Variants in NHSL2 observed in about 807,000 individuals in gnomAD.
NHSL2 encodes NHS like 2.
NHSL2 carries 27 observed loss-of-function variants against 53.4 expected under a neutral mutation model. That is an observed-to-expected ratio of 0.51 (90% CI 0.37 to 0.70). The LOEUF (loss-of-function observed/expected upper bound fraction) is 0.70, where lower values mean the gene tolerates loss of function less well. Among genes scored for constraint, NHSL2 ranks in the 30% least tolerant of loss-of-function variants. NHSL2 has a pLI of 0.00. For missense variants in NHSL2, 892 were observed against 980.1 expected (o/e 0.91, Z 1.20); for synonymous variants, 408 against 404.1 (o/e 1.01, Z -0.12).
chrX:72,110,325 C>T, intron 1 of NHSL2, among the ~76,000 whole-genome samples: 1 of 111,117 alleles, frequency 9.0e-6, no homozygotes, highest in Non-Finnish European at 1.9e-5. Flanking sequence ...TAGAAGACAG[C>T]CTCTGAGAAT....
At chrX:72,103,342 T>C (rs1925745140) in intron 1 of NHSL2, among the ~76,000 whole-genome samples, 1 of 111,640 alleles carries the variant, frequency 9.0e-6, no homozygotes, top group Non-Finnish European at 1.9e-5. Flanking sequence ...TGCCCACAGA[T>C]TTGCTCTGCC....
chrX:71,919,122 C>T (rs770927495), intron 1 of NHSL2, among the ~76,000 whole-genome samples: 34 of 112,031 alleles, frequency 3.0e-4, no homozygotes, highest in African/African-American at 9.7e-4. Flanking sequence ...TTCCTTCTAC[C>T]ATTCTGTATT....
intron 1 of NHSL2, among the ~76,000 whole-genome samples, chrX:72,101,521 G>C (rs1324281286): frequency 1.8e-5 from 2 of 110,500 alleles, no homozygotes; most frequent in East Asian, 2.9e-4. Context: ...AAACAAAGGT[G>C]GCGGTCGCAT....
At chrX:71,989,352 A>AAG (rs1162531689) in intron 1 of NHSL2, among the ~76,000 whole-genome samples, 1 of 108,937 alleles carries the variant, frequency 9.2e-6, no homozygotes, top group East Asian at 2.8e-4. Context: ...CCGTCTCAAA[A>AAG]AAAAAAAAAA....
At chrX:72,032,440 C>A (rs2042220450) in intron 1 of NHSL2, among the ~76,000 whole-genome samples, 1 of 111,146 alleles carries the variant, frequency 9.0e-6, no homozygotes, top group Non-Finnish European at 1.9e-5. Context: ...ACTGTTGCAT[C>A]ACCACAAAGA....
intron 1 of NHSL2, among the ~76,000 whole-genome samples, chrX:72,064,846 C>T (rs926164744): frequency 3.6e-5 from 4 of 111,741 alleles, no homozygotes; most frequent in African/African-American, 1.3e-4. Flanking sequence ...CTGGGCTTAG[C>T]TTGAAACACA....
At chrX:72,056,878 C>T (rs186754996) in intron 1 of NHSL2, among the ~76,000 whole-genome samples, 8 of 112,370 alleles carry the variant, frequency 7.1e-5, no homozygotes, top group African/African-American at 9.7e-5. Flanking sequence ...CTCTTGAGGC[C>T]GGACTACCTA....
At chrX:72,137,267 CCACT>C in intron 5 of NHSL2, 42 bp downstream of exon 5, 1 of 1,102,657 alleles carries the variant, frequency 9.1e-7, no homozygotes. Context: ...TTCCCCTTAC[CCACT>C]CCTGCCAATC....
chrX:71,999,354 G>A (rs940092378), intron 1 of NHSL2, among the ~76,000 whole-genome samples: 1 of 112,614 alleles, frequency 8.9e-6, no homozygotes, highest in African/African-American at 3.2e-5. Flanking sequence ...GGAAAAAACC[G>A]TGAATGAATT....
At chrX:71,940,624 A>G (rs1428522491) in intron 1 of NHSL2, among the ~76,000 whole-genome samples, 1 of 110,091 alleles carries the variant, frequency 9.1e-6, no homozygotes, top group Non-Finnish European at 1.9e-5. Flanking sequence ...GGTTGGGAGG[A>G]GTCATAAGAG....
At position 71,954,131 on chromosome X, in the gene NHSL2, A is replaced by G. The variant is rs188167933; in HGVS notation, c.280+42764A>G. Among the ~76,000 whole-genome samples, 222 of 112,269 alleles carry G rather than the reference A, an allele frequency of 2.0e-3. 1 individual carries two copies. Among genetic ancestry groups the G allele is most frequent in the Middle Eastern group, 4.7e-3 (1 of 215 alleles). ...GGGGGGCTGTCCCTGGCATGCTAGG[A>G]AGGGACTGAGGCATCTGGCGTTTAT... On this transcript the variant is annotated intron_variant, in intron 1 of 7. Transcript: ENST00000633930.
In NHSL2 at chrX:72,138,624, G is replaced by A. The variant is rs766059757; in HGVS notation, c.1076G>A (p.Arg359Gln). 20 of 1,168,986 alleles carry A rather than the reference G, an allele frequency of 1.7e-5. No individual in the cohort carries two copies. Among genetic ancestry groups the A allele is most frequent in the Non-Finnish European group, 2.2e-5 (19 of 873,109 alleles). Reference protein sequence around the residue: ...SSEPDEPHQARSGPNPPGMES... With the variant: ...SSEPDEPHQAQSGPNPPGMES... ...GAGCCGGACGAACCTCACCAGGCAC[G>A]GAGTGGCCCAAACCCTCCTGGCATG... Residue 359 changes from arginine (R) to glutamine (Q), a missense_variant, in exon 6 of 8, where the codon CGG (arginine) becomes CAG (glutamine). By Grantham distance (43) the Arg-to-Gln change is conservative. Transcript: ENST00000633930.
intron 1 of NHSL2, among the ~76,000 whole-genome samples, chrX:71,937,873 T>C (rs1315781647): frequency 8.9e-6 from 1 of 112,269 alleles, no homozygotes; most frequent in Non-Finnish European, 1.9e-5. Flanking sequence ...CTCTTTACCT[T>C]ACAGCTCCGG....
intron 1 of NHSL2, among the ~76,000 whole-genome samples, chrX:71,978,454 C>G (rs1300303728): frequency 8.9e-6 from 1 of 112,169 alleles, no homozygotes; most frequent in Non-Finnish European, 1.9e-5. Flanking sequence ...CATAGACTGT[C>G]AAGCCCAAAA....
At chrX:72,134,743 A>T in intron 4 of NHSL2, 39 bp downstream of exon 4, 2 of 992,819 alleles carry the variant, frequency 2.0e-6, no homozygotes, top group Non-Finnish European at 2.8e-6. Flanking sequence ...TCTTCCCTTC[A>T]TGCCTCTACA....
At chrX:72,130,188 C>T (rs1351847607) in intron 1 of NHSL2, 4 of 1,208,257 alleles carry the variant, frequency 3.3e-6, no homozygotes, top group South Asian at 1.8e-5. Flanking sequence ...GCTCCTCCTC[C>T]ACCTCACCAT....
At position 72,117,981 on chromosome X, in the gene NHSL2, A is replaced by C. The variant is rs1379537983; in HGVS notation, c.281-14098A>C. On this transcript the variant is annotated intron_variant, in intron 1 of 7. Coordinates refer to ENST00000633930, the MANE Select transcript of NHSL2 (RefSeq NM_001013627.3). ...ATATGTTTCCAATTCTCTTGGGTAC[A>C]TGCCTAGGAGTGGAAGTGCTGGGCC... 7.2e-5 allele frequency among the ~76,000 whole-genome samples: 8 copies of C among 110,611 alleles called. 1 individual carries two copies. The highest frequency in any genetic ancestry group is 4.8e-4 in the Admixed American group (5 of 10,335).
intron 1 of NHSL2, among the ~76,000 whole-genome samples, chrX:71,991,620 C>T (rs1325480487): frequency 8.9e-6 from 1 of 112,534 alleles, no homozygotes; most frequent in Non-Finnish European, 1.9e-5. Flanking sequence ...CATTTATAGA[C>T]TAGAAAGGAC....
At chrX:71,966,480 G>T (rs1439610587) in intron 1 of NHSL2, among the ~76,000 whole-genome samples, 2 of 111,555 alleles carry the variant, frequency 1.8e-5, no homozygotes, top group Non-Finnish European at 3.8e-5. Flanking sequence ...TTTCTAGTTT[G>T]CTAAGAGTTT....
Sources: gnomAD v4.1 joint callset for allele counts (sites outside exome capture counted in the v4.1 genomes callset) on GRCh38, gnomAD v4.1.1 for gene constraint, MANE v1.5 for transcripts, NCBI Gene and HGNC (gene_info 2026-07-23, HGNC 2026-07-21) for gene names.